CHRNA7: variants seen among roughly 807,000 people sequenced by gnomAD.
The protein encoded by CHRNA7 is neuronal acetylcholine receptor subunit alpha-7.
CHRNA7 carries 17 observed loss-of-function variants against 48.0 expected under a neutral mutation model. That is an observed-to-expected ratio of 0.35 (90% CI 0.24 to 0.53). The LOEUF (loss-of-function observed/expected upper bound fraction) is 0.53. CHRNA7 is among the 20% of genes least tolerant of loss of function. The probability of loss-of-function intolerance (pLI) is 0.92; values close to 1 mark genes in which losing one functional copy is unlikely to be tolerated. For missense variants in CHRNA7, 155 were observed against 577.7 expected (o/e 0.27, Z 7.50); for synonymous variants, 75 against 242.3 (o/e 0.31, Z 6.41).
chr15:32,139,042 C>A (rs1425141329), intron 4 of CHRNA7, among the ~76,000 whole-genome samples: 2 of 152,254 alleles, frequency 1.3e-5, no homozygotes, highest in Admixed American at 6.5e-5. Flanking sequence ...GCGTGAGCCA[C>A]TGCGCCCGGC....
chr15:32,093,327 TA>T (rs1221719449), intron 2 of CHRNA7, among the ~76,000 whole-genome samples: 1 of 152,136 alleles, frequency 6.6e-6, no homozygotes, highest in Non-Finnish European at 1.5e-5. Context: ...TTGAGGGAGA[TA>T]GGGGGCCCTT....
intron 4 of CHRNA7, among the ~76,000 whole-genome samples, chr15:32,123,108 G>A (rs2051002614): frequency 6.6e-6 from 1 of 152,134 alleles, no homozygotes; most frequent in Non-Finnish European, 1.5e-5. Context: ...AGGCAAACCT[G>A]GAATATAATC....
At chr15:32,141,857 C>T (rs199724670) in intron 4 of CHRNA7, among the ~76,000 whole-genome samples, 1 of 109,362 alleles carries the variant, frequency 9.1e-6, no homozygotes, top group Non-Finnish European at 1.9e-5. Context: ...ACAATCATGT[C>T]GTCTGCAAAC....
At chr15:32,093,732 T>C (rs796798962) in intron 2 of CHRNA7, among the ~76,000 whole-genome samples, 9 of 152,298 alleles carry the variant, frequency 5.9e-5, no homozygotes, top group African/African-American at 2.2e-4. Context: ...CATGGGTCTT[T>C]CCTGGGATTA....
chr15:32,075,881 A>C (rs1160621879), intron 2 of CHRNA7, among the ~76,000 whole-genome samples: 2 of 151,922 alleles, frequency 1.3e-5, no homozygotes, highest in Non-Finnish European at 2.9e-5. Context: ...CACAAATTTT[A>C]ATATGTTGTA....
intron 2 of CHRNA7, among the ~76,000 whole-genome samples, chr15:32,046,161 T>C: frequency 6.6e-6 from 1 of 152,040 alleles, no homozygotes; most frequent in Non-Finnish European, 1.5e-5. Context: ...CAGCATGATT[T>C]ATAGTCCTTT....
intron 2 of CHRNA7, among the ~76,000 whole-genome samples, chr15:32,032,665 G>A (rs895812687): frequency 6.6e-6 from 1 of 152,146 alleles, no homozygotes; most frequent in African/African-American, 2.4e-5. Context: ...CTCCAGCCAG[G>A]CTGTCACACT....
chr15:32,150,921 CTT>C (rs991904290), intron 4 of CHRNA7, among the ~76,000 whole-genome samples: 3 of 151,772 alleles, frequency 2.0e-5, no homozygotes, highest in Non-Finnish European at 4.4e-5. Flanking sequence ...CCTCCTCTCT[CTT>C]TCCCTATGTG....
chr15:32,142,304 C>T (rs895486484), intron 4 of CHRNA7, among the ~76,000 whole-genome samples: 3 of 152,126 alleles, frequency 2.0e-5, no homozygotes, highest in Non-Finnish European at 4.4e-5. Context: ...TTTTGATGTG[C>T]TGTTGGATTC....
chr15:32,052,539 G>C (rs898195203), intron 2 of CHRNA7, among the ~76,000 whole-genome samples: 15 of 152,132 alleles, frequency 9.9e-5, no homozygotes, highest in African/African-American at 3.6e-4. Flanking sequence ...GACCATCTTG[G>C]CCAACATGGT....
intron 3 of CHRNA7, chr15:32,101,595 A>G (rs2050574796): frequency 2.1e-6 from 1 of 466,610 alleles, no homozygotes; most frequent in Non-Finnish European, 3.7e-6. Context: ...ATGTGGGGAC[A>G]CTTCAGAAGC....
rs1219886812 is a variant in CHRNA7, at chr15:32,111,806, A to G, written c.257A>G (p.Tyr86Cys). ...GTGTGTCAGTCTTGGACAGATCACT[A>G]TTTACAGTGGAATGTGTCAGAATAT... ...IWLQMSWTDH[Y>C]LQWNVSEYPG... The change falls in exon 4 of 10, where the codon TAT (tyrosine) becomes TGT (cysteine). Residue 86 changes from tyrosine (Y) to cysteine (C), a missense_variant. By Grantham distance (194) the Tyr-to-Cys change is radical. Coordinates refer to ENST00000306901, the MANE Select transcript of CHRNA7 (RefSeq NM_000746.6). 5.0e-6 allele frequency: 8 copies of G among 1,612,024 alleles called. No homozygotes were observed. Among genetic ancestry groups the G allele is most frequent in the Admixed American group, 3.3e-5 (2 of 60,006 alleles).
chr15:32,115,052 A>G lies in CHRNA7; in HGVS notation c.350+3153A>G, dbSNP rs114949538. ...GCCAGCAGTGCTCTGACAGGAAGGA[A>G]GGAGAGGCTGCTGGGACTCTTAAGG... On this transcript the variant is annotated intron_variant, in intron 4 of 9. Transcript: ENST00000306901. 2.2e-3 allele frequency among the ~76,000 whole-genome samples: 337 copies of G among 152,300 alleles called. 2 individuals carry two copies. The highest frequency in any genetic ancestry group is 7.9e-3 in the African/African-American group (327 of 41,578).
At chr15:32,148,767 G>A (rs1435557298) in intron 4 of CHRNA7, among the ~76,000 whole-genome samples, 1 of 152,230 alleles carries the variant, frequency 6.6e-6, no homozygotes, top group Non-Finnish European at 1.5e-5. Context: ...GCAACATGGT[G>A]TAAGCAAACA....
intron 2 of CHRNA7, among the ~76,000 whole-genome samples, chr15:32,050,618 G>C (rs562090179): frequency 6.6e-6 from 1 of 152,258 alleles, no homozygotes; most frequent in East Asian, 1.9e-4. Flanking sequence ...GGAGTAGTTT[G>C]GTCGTCTGAA....
At chr15:32,033,452 C>T (rs947296932) in intron 2 of CHRNA7, among the ~76,000 whole-genome samples, 2 of 152,190 alleles carry the variant, frequency 1.3e-5, no homozygotes, top group East Asian at 1.9e-4. Flanking sequence ...AAACCAACAT[C>T]GGACAAGTCC....
At chr15:32,085,032 C>A (rs1339968821) in intron 2 of CHRNA7, among the ~76,000 whole-genome samples, 1 of 152,062 alleles carries the variant, frequency 6.6e-6, no homozygotes, top group Non-Finnish European at 1.5e-5. Flanking sequence ...AGGGTCTCAG[C>A]ATGTTGGCCA....
At chr15:32,134,103 C>T (rs1246097306) in intron 4 of CHRNA7, among the ~76,000 whole-genome samples, 1 of 151,934 alleles carries the variant, frequency 6.6e-6, no homozygotes, top group Non-Finnish European at 1.5e-5. Context: ...CTCCTGCGTC[C>T]TCCTCCCTCC....
chr15:32,125,968 A>G (rs1374585666), intron 4 of CHRNA7, among the ~76,000 whole-genome samples: 1 of 151,990 alleles, frequency 6.6e-6, no homozygotes, highest in Non-Finnish European at 1.5e-5. Context: ...AGAGAAAACC[A>G]ACTGAATGAT....
Sources: gnomAD v4.1 joint callset for allele counts (sites outside exome capture counted in the v4.1 genomes callset) on GRCh38, gnomAD v4.1.1 for gene constraint, MANE v1.5 for transcripts, NCBI Gene and HGNC (gene_info 2026-07-23, HGNC 2026-07-21) for gene names.